Variants in EPB41 observed in about 807,000 individuals in gnomAD.
EPB41 encodes the protein protein 4.1.
Under a neutral mutation model 108.0 loss-of-function variants are expected in EPB41, and 65 were observed. The observed-to-expected ratio is 0.60, with a 90% CI of 0.49 to 0.74. EPB41 has a LOEUF of 0.74. EPB41 is among the 30% of genes least tolerant of loss of function. EPB41 has a pLI of 0.00. For synonymous variants in EPB41, 336 were observed against 358.9 expected (o/e 0.94, Z 0.72); for missense variants, 875 against 1,037.0 (o/e 0.84, Z 2.15).
chr1:29,057,193 G>A (rs1406356501), intron 12 of EPB41, among the ~76,000 whole-genome samples: 6 of 151,612 alleles, frequency 4.0e-5, no homozygotes, highest in Admixed American at 3.3e-4. Flanking sequence ...TGGCTAACAC[G>A]GTGAAACCCC....
rs1671235229 is a variant in EPB41 at position 29,117,737 on chromosome 1, TGA to T, written c.*929_*930del. 6.6e-6 allele frequency: 1 copy of T among 152,650 alleles called. No homozygotes were observed. The highest frequency in any genetic ancestry group is 1.5e-5 in the Non-Finnish European group (1 of 68,028). 9.5% of individuals were successfully genotyped at this position (152,650 alleles called of 1,614,324 possible). ...TTTTTAAAATAAGGTTTTCTAGTTT[TGA>T]GAGTGTGCACTTCACACAGGGGAAT... On this transcript the variant is annotated 3_prime_UTR_variant, in exon 21 of 21. Coordinates refer to ENST00000343067, the MANE Select transcript of EPB41 (RefSeq NM_001376013.1).
intron 17 of EPB41, among the ~76,000 whole-genome samples, chr1:29,103,628 A>G (rs1219426170): frequency 2.0e-5 from 3 of 152,192 alleles, no homozygotes; most frequent in Non-Finnish European, 4.4e-5. Context: ...GGCTTAAGAC[A>G]GTCAAGATAC....
chr1:29,083,534 C>T (rs1657596938), intron 16 of EPB41, among the ~76,000 whole-genome samples: 1 of 152,106 alleles, frequency 6.6e-6, no homozygotes, highest in African/African-American at 2.4e-5. Context: ...CTTGACTTGT[C>T]ATCTTTATGT....
chr1:28,900,672 G>A (rs975655678), intron 1 of EPB41, among the ~76,000 whole-genome samples: 2 of 152,042 alleles, frequency 1.3e-5, no homozygotes, highest in Non-Finnish European at 2.9e-5. Flanking sequence ...CTCCCGGGCT[G>A]TCCTGAGGCT....
At chr1:28,911,616 C>T (rs1385227569), upstream of EPB41, among the ~76,000 whole-genome samples, 4 of 152,208 alleles carry the variant, frequency 2.6e-5, no homozygotes, top group Non-Finnish European at 5.9e-5. Context: ...GTCTTCTATA[C>T]TCATCCTTCA....
At chr1:28,928,072 A>G (rs922359235) in intron 1 of EPB41, among the ~76,000 whole-genome samples, 1 of 152,042 alleles carries the variant, frequency 6.6e-6, no homozygotes, top group African/African-American at 2.4e-5. Context: ...AACATCTGGT[A>G]TGTTACTAAA....
rs1181777302 is a variant in EPB41 at position 29,115,341 on chromosome 1, C to T, written c.2497-358C>T. Among the ~76,000 whole-genome samples the T allele has an allele frequency of 3.9e-5, 6 of 151,954 alleles. No homozygotes were observed. Among genetic ancestry groups the T allele is most frequent in the Admixed American group, 3.3e-4 (5 of 15,246 alleles). ...CTGGGAGGCGGAGGTTGCAGTGAGCCGAGATTGCACCATTGCACTCCAGCC... is the reference window on the plus strand; with the variant it reads ...CTGGGAGGCGGAGGTTGCAGTGAGCTGAGATTGCACCATTGCACTCCAGCC... On this transcript the variant is annotated intron_variant, in intron 19 of 20. Coordinates refer to ENST00000343067, the MANE Select transcript of EPB41 (RefSeq NM_001376013.1). This position sits in a 1 kb window ranked among gnomAD's most constrained non-coding sequence, Gnocchi z 4.4.
intron 2 of EPB41, 83 bp downstream of exon 2, chr1:28,987,988 C>A: frequency 7.0e-7 from 1 of 1,437,906 alleles, no homozygotes; most frequent in Non-Finnish European, 9.8e-7. Flanking sequence ...TTGGGCTGGG[C>A]GCGGTGGCTC....
intron 1 of EPB41, among the ~76,000 whole-genome samples, chr1:28,952,726 G>A (rs1476280266): frequency 1.3e-5 from 2 of 152,066 alleles, no homozygotes; most frequent in Non-Finnish European, 1.5e-5. Context: ...TATATATTAT[G>A]GAAGATAAGT....
chr1:28,937,915 G>A (rs995801842), intron 1 of EPB41, among the ~76,000 whole-genome samples: 1 of 152,168 alleles, frequency 6.6e-6, no homozygotes, highest in Non-Finnish European at 1.5e-5. Flanking sequence ...TCACTTGCAG[G>A]TAGATGTCCA....
At chr1:28,961,028 C>T (rs2095191426) in intron 1 of EPB41, among the ~76,000 whole-genome samples, 1 of 143,574 alleles carries the variant, frequency 7.0e-6, no homozygotes, top group South Asian at 2.2e-4. Flanking sequence ...GAGCAAAACC[C>T]TGTCTCAAAA....
In EPB41 at chr1:28,987,835, C is replaced by T. The variant is rs2095902560; in HGVS notation, c.398C>T (p.Ala133Val). The stretch of plus-strand genomic sequence containing the variant: ...GAGATCATTTTAAAGGCCCCAATTG[C>T]AGCTCCTGAACCGGAACTCAAAACA... ...DEEIILKAPI[A>V]APEPELKTDP... Residue 133 changes from alanine (A) to valine (V), a missense_variant, in exon 2 of 21, where the codon GCA (alanine) becomes GTA (valine). Around this residue, in one of 3 missense-constraint regions of EPB41, gnomAD observed 353 missense variants for 393.2 expected, o/e 0.90. Transcript: ENST00000343067. The T allele has an allele frequency of 6.2e-7, 1 of 1,614,086 alleles. No individual in the cohort carries two copies. Among genetic ancestry groups the T allele is most frequent in the South Asian group, 1.1e-5 (1 of 91,088 alleles).
Position 29,119,965 on chromosome 1 carries a change from G to T in EPB41, c.*3153G>T, listed in dbSNP as rs962063093. ...GCTGTTTTGGCCTTTCGTAGTAGAA[G>T]TGGTTGTAGTGTTTAGATATCTGTT... On this transcript the variant is annotated 3_prime_UTR_variant, in exon 21 of 21. Coordinates refer to ENST00000343067, the MANE Select transcript of EPB41 (RefSeq NM_001376013.1). 1.2e-4 allele frequency: 18 copies of T among 152,640 alleles called. No homozygotes were observed. The highest frequency in any genetic ancestry group is 3.9e-4 in the African/African-American group (16 of 41,440). 9.5% of individuals were successfully genotyped at this position (152,640 alleles called of 1,614,324 possible).
intron 16 of EPB41, among the ~76,000 whole-genome samples, chr1:29,086,377 G>A (rs571779131): frequency 2.7e-5 from 4 of 150,726 alleles, no homozygotes; most frequent in East Asian, 3.9e-4. Context: ...AGGTTTAAGC[G>A]ATTCTCCTGC....
intron 1 of EPB41, among the ~76,000 whole-genome samples, chr1:28,934,662 G>T: frequency 1.0e-5 from 1 of 98,264 alleles, no homozygotes; most frequent in African/African-American, 4.0e-5. Flanking sequence ...TGGTTCTTTT[G>T]ACATTGTGTG....
intron 17 of EPB41, among the ~76,000 whole-genome samples, chr1:29,100,555 T>A (rs192126753): frequency 6.8e-6 from 1 of 147,964 alleles, no homozygotes; most frequent in Admixed American, 6.8e-5. Context: ...TTTGGGAGGC[T>A]GAGGAGGGAG....
At position 29,115,552 on chromosome 1, in the gene EPB41, A is replaced by C; in HGVS notation, c.2497-147A>C. ...TATGCAGGATAGGGTGGGTAAGGTA[A>C]TTATCAGCTTGGCTTAGCCTAAAGC... is the stretch of plus-strand genomic sequence containing the variant. On this transcript the variant is annotated intron_variant, in intron 19 of 20. Transcript: ENST00000343067. This position sits in a 1 kb window ranked among gnomAD's most constrained non-coding sequence, Gnocchi z 4.4. 1 of 700,272 alleles carries C rather than the reference A, an allele frequency of 1.4e-6. No individual in the cohort carries two copies. The allele number at this position is 700,272 out of a possible 1,614,324, so 43.4% of individuals were successfully genotyped here.
intron 16 of EPB41, among the ~76,000 whole-genome samples, chr1:29,067,376 G>T (rs1648625876): frequency 6.6e-6 from 1 of 151,536 alleles, no homozygotes; most frequent in South Asian, 2.1e-4. Context: ...GGCACCTGTA[G>T]TCCCAGCTAC....
chr1:28,901,164 T>C (rs374816373), intron 1 of EPB41, among the ~76,000 whole-genome samples: 87 of 152,002 alleles, frequency 5.7e-4, no homozygotes, highest in Non-Finnish European at 9.0e-4. Flanking sequence ...CTGCTGACCT[T>C]GTGATCCGCC....
Sources: gnomAD v4.1 joint callset for allele counts (sites outside exome capture counted in the v4.1 genomes callset) on GRCh38, gnomAD v4.1.1 for gene constraint, gnomAD v4.1.1 regional missense constraint, Gnocchi (gnomAD v3.1) non-coding constraint, MANE v1.5 for transcripts, NCBI Gene and HGNC (gene_info 2026-07-23, HGNC 2026-07-21) for gene names.